QTRT1: variants seen among roughly 807,000 people sequenced by gnomAD.
QTRT1 encodes queuine tRNA-ribosyltransferase catalytic subunit 1, also known as TGT, 43-KD subunit.
QTRT1 carries 41 observed loss-of-function variants against 44.0 expected under a neutral mutation model. The ratio of observed to expected loss-of-function variants is 0.93; its 90% CI spans 0.73 to 1.21. The LOEUF is 1.21. Among genes scored for constraint, QTRT1 ranks in the 50% most tolerant of loss-of-function variants. The pLI is 0.00. For missense variants in QTRT1, 542 were observed against 575.8 expected (o/e 0.94, Z 0.60); for synonymous variants, 226 against 237.1 (o/e 0.95, Z 0.43).
chr19:10,702,207 A>ACAT lies in QTRT1; in HGVS notation c.404_405insCAT (p.Glu135delinsAspMet), dbSNP rs572327869. The ACAT allele has an allele frequency of 3.1e-6, 5 of 1,614,104 alleles. No individual in the cohort carries two copies. The East Asian group carries it at 1.1e-4, about 36-fold the overall frequency. ...TTCCGCTCCCCCTACGACGGCAATG[A>ACAT]GACCCTGCTGAGCCCGGAGAAATCC... On this transcript the variant is annotated protein_altering_variant, in exon 3 of 10. Transcript: ENST00000250237.
intron 5 of QTRT1, among the ~76,000 whole-genome samples, chr19:10,710,383 C>A (rs756019678): frequency 1.4e-4 from 22 of 152,084 alleles, no homozygotes; most frequent in Non-Finnish European, 2.5e-4. Flanking sequence ...GTGGCACCAT[C>A]TCGGCTCACT....
In QTRT1 at chr19:10,713,284, GAGGGAGGGAGGAAGGA is replaced by G; in HGVS notation, c.*26_*41del. 2 of 1,579,456 alleles carry G rather than the reference GAGGGAGGGAGGAAGGA, an allele frequency of 1.3e-6. No individual in the cohort carries two copies. The highest frequency in any genetic ancestry group is 2.2e-5 in the East Asian group (1 of 44,630). On this transcript the variant is annotated 3_prime_UTR_variant, in exon 10 of 10. Coordinates refer to ENST00000250237, the MANE Select transcript of QTRT1 (RefSeq NM_031209.3). The surrounding 1 kb of genome is among the most constrained non-coding windows in gnomAD (Gnocchi z 4.3). ...ACACTGGGCTGACCTGGCATTGGGA[GAGGGAGGGAGGAAGGA>G]AGGGAGGGAGGGGCTGGAAGATACT... is the stretch of plus-strand genomic sequence containing the variant.
At chr19:10,706,869 G>A (rs1278796937) in intron 3 of QTRT1, 1 of 194,216 alleles carries the variant, frequency 5.1e-6, no homozygotes, top group African/African-American at 2.4e-5. Context: ...TTTTAGGAGA[G>A]ATGGGGTTTC....
At chr19:10,707,769 T>G (rs1001835615) in intron 5 of QTRT1, among the ~76,000 whole-genome samples, 154 bp downstream of exon 5, 1 of 152,016 alleles carries the variant, frequency 6.6e-6, no homozygotes, top group Non-Finnish European at 1.5e-5. Context: ...TGCAGTAGAA[T>G]GTATTGAGAG....
At chr19:10,711,931 G>A in intron 5 of QTRT1, 1 of 604,672 alleles carries the variant, frequency 1.7e-6, no homozygotes. Context: ...ATAAATGTTA[G>A]CTGAGATCAG....
intron 2 of QTRT1, 46 bp from the exon 3 acceptor site, chr19:10,702,069 GT>G (rs775305384): frequency 1.5e-5 from 25 of 1,614,030 alleles, no homozygotes; most frequent in Non-Finnish European, 5.1e-6. Context: ...GGAGTGAAGG[GT>G]CCCCATCTCC....
rs202178047 is a variant in QTRT1 at position 10,712,533 on chromosome 19, C to T, written c.786-20C>T. ...GCCCCTGAGGTTCTCTGCCCCCTCCCGTCATGGCTGCAACCCCAGCTATGC... is the reference window on the plus strand; with the variant it reads ...GCCCCTGAGGTTCTCTGCCCCCTCCTGTCATGGCTGCAACCCCAGCTATGC... On this transcript the variant is annotated intron_variant, in intron 6 of 9. Transcript: ENST00000250237. The surrounding 1 kb of genome is among the most constrained non-coding windows in gnomAD (Gnocchi z 5.6). The T allele has an allele frequency of 4.4e-4, 715 of 1,610,722 alleles. No individual in the cohort carries two copies. In the African/African-American group the frequency reaches 8.3e-3, roughly 19 times the overall value.
intron 3 of QTRT1, among the ~76,000 whole-genome samples, chr19:10,704,331 T>C (rs2068702816): frequency 6.6e-6 from 1 of 152,178 alleles, no homozygotes. Context: ...TCTTGCTTAG[T>C]CTCCCAGGCT....
rs565001108 is a variant in QTRT1 at position 10,705,578 on chromosome 19, C to T, written c.452-1724C>T. On this transcript the variant is annotated intron_variant, in intron 3 of 9. Transcript: ENST00000250237. ...TGAGACACAATCTCGCTCTGTCACC[C>T]GGGCTGGAGTACTGTGGTGCAATCT... Among the ~76,000 whole-genome samples the T allele has an allele frequency of 6.0e-5, 9 of 151,210 alleles. No individual in the cohort carries two copies. The East Asian group carries it at 9.8e-4, about 16-fold the overall frequency.
Position 10,712,135 on chromosome 19 carries a change from G to A in QTRT1, c.647-26G>A. ...GACCAGGCGCATTTCCTCTTCTGTG[G>A]CCCTCACCTTACCCTGTACCCTCAG... is the stretch of plus-strand genomic sequence containing the variant. On this transcript the variant is annotated intron_variant, in intron 5 of 9. Coordinates refer to ENST00000250237, the MANE Select transcript of QTRT1 (RefSeq NM_031209.3). The surrounding 1 kb of genome is among the most constrained non-coding windows in gnomAD (Gnocchi z 5.6). The A allele has an allele frequency of 6.2e-7, 1 of 1,611,096 alleles. No individual in the cohort carries two copies. Among genetic ancestry groups the A allele is most frequent in the Non-Finnish European group, 8.5e-7 (1 of 1,180,010 alleles).
chr19:10,711,100 G>A (rs893791609), intron 5 of QTRT1: 5 of 152,214 alleles, frequency 3.3e-5, no homozygotes, highest in African/African-American at 1.2e-4. Context: ...CCTCCACCAA[G>A]TCTTAACATA....
In QTRT1 at chr19:10,713,008, C is replaced by T. The variant is rs1157379880; in HGVS notation, c.1027C>T (p.His343Tyr). 5.0e-6 allele frequency: 8 copies of T among 1,611,688 alleles called. No homozygotes were observed. Among genetic ancestry groups the T allele is most frequent in the Non-Finnish European group, 6.8e-6 (8 of 1,179,910 alleles). The change falls in exon 9 of 10, where the codon CAC becomes TAC. Residue 343 changes from histidine (H) to tyrosine (Y), a missense_variant. By Grantham distance (83) the His-to-Tyr change is moderately conservative. Transcript: ENST00000250237. The surrounding 1 kb of genome is among the most constrained non-coding windows in gnomAD (Gnocchi z 4.3). Reference protein sequence around the residue: ...LLHSDNTAALHHLTVHNIAYQ... With the variant: ...LLHSDNTAALYHLTVHNIAYQ... ...GCACAGTGACAACACGGCCGCGCTG[C>T]ACCACCTCACGGTCCACAACATCGC...
rs368053393 is a variant in QTRT1 at position 10,713,096 on chromosome 19, C to T, written c.1060-22C>T. On this transcript the variant is annotated intron_variant, in intron 9 of 9. Transcript: ENST00000250237. The surrounding 1 kb of genome is among the most constrained non-coding windows in gnomAD (Gnocchi z 4.3). ...GGGTGTCCTAGGTGCGTATGCCCCA[C>T]GCTGACCTCCCCTCCCCGCAGCTGC... is the stretch of plus-strand genomic sequence containing the variant. 6.2e-5 allele frequency: 99 copies of T among 1,608,668 alleles called. No individual in the cohort carries two copies. In the East Asian group the frequency reaches 8.2e-4, roughly 13 times the overall value.
chr19:10,711,927 G>A (rs921753492), intron 5 of QTRT1: 1 of 602,432 alleles, frequency 1.7e-6, no homozygotes, highest in Non-Finnish European at 2.9e-6. Context: ...CTCAATAAAT[G>A]TTAGCTGAGA....
At position 10,712,627 on chromosome 19, in the gene QTRT1, C is replaced by T. The variant is rs774585166; in HGVS notation, c.860C>T (p.Ala287Val). ...MFDCVFPTRT[A>V]RFGSALVPTG... ...GACTGCGTCTTCCCCACACGGACAGCGGTGAGGCTCTGGCAGAAGGAGGTC... is the reference window on the plus strand; with the variant it reads ...GACTGCGTCTTCCCCACACGGACAGTGGTGAGGCTCTGGCAGAAGGAGGTC... Residue 287 changes from alanine (A) to valine (V), a missense_variant and splice_region_variant, in exon 7 of 10, where the codon GCG becomes GTG. Ala to Val is a moderately conservative substitution (Grantham distance 64). Coordinates refer to ENST00000250237, the MANE Select transcript of QTRT1 (RefSeq NM_031209.3). This position sits in a 1 kb window ranked among gnomAD's most constrained non-coding sequence, Gnocchi z 5.6. The T allele has an allele frequency of 3.1e-6, 5 of 1,599,536 alleles. No homozygotes were observed. The highest frequency in any genetic ancestry group is 2.2e-5 in the East Asian group (1 of 44,474).
chr19:10,708,668 A>G (rs2068725352), intron 5 of QTRT1, among the ~76,000 whole-genome samples: 2 of 151,780 alleles, frequency 1.3e-5, no homozygotes, highest in Admixed American at 1.3e-4. Flanking sequence ...GGGAAGGCCT[A>G]GGAATCTGCA....
rs763676568 is a variant in QTRT1 at position 10,712,311 on chromosome 19, A to C, written c.785+12A>C. ...CTGATGGGGGTTGGGTATGTTGTGG[A>C]TAGGGAAGCCAGAGCCCTACCTGTG... is the stretch of plus-strand genomic sequence containing the variant. On this transcript the variant is annotated intron_variant, in intron 6 of 9. Transcript: ENST00000250237. The surrounding 1 kb of genome is among the most constrained non-coding windows in gnomAD (Gnocchi z 5.6). 1 of 1,602,036 alleles carries C rather than the reference A, an allele frequency of 6.2e-7. No individual in the cohort carries two copies. Among genetic ancestry groups the C allele is most frequent in the South Asian group, 1.1e-5 (1 of 88,974 alleles).
At chr19:10,707,262 G>T (rs2068717978) in intron 3 of QTRT1, 40 bp from the exon 4 acceptor site, 1 of 1,605,546 alleles carries the variant, frequency 6.2e-7, no homozygotes, top group Non-Finnish European at 8.5e-7. Flanking sequence ...CCCAAGCATT[G>T]CGGGCTTTCC....
intron 5 of QTRT1, among the ~76,000 whole-genome samples, chr19:10,707,849 A>G (rs1020731646): frequency 8.8e-5 from 13 of 147,032 alleles, no homozygotes; most frequent in African/African-American, 3.3e-4. Flanking sequence ...TTTTTTTTTG[A>G]GACGGAGTCT....
Sources: allele counts gnomAD v4.1 joint callset (sites outside exome capture counted in the v4.1 genomes callset), GRCh38; gene constraint gnomAD v4.1.1; non-coding constraint Gnocchi (gnomAD v3.1); transcripts MANE v1.5; gene names NCBI Gene and HGNC (gene_info 2026-07-23, HGNC 2026-07-21).